Variants in ABI2 observed in about 807,000 individuals in gnomAD.
ABI2 encodes the protein abelson interactor 2.
A neutral mutation model predicts 59.2 loss-of-function variants in ABI2; 25 were observed. The ratio of observed to expected loss-of-function variants is 0.42; its 90% CI spans 0.31 to 0.59. The LOEUF (loss-of-function observed/expected upper bound fraction) is 0.59. Ranked by LOEUF, ABI2 falls within the 20% of genes least tolerant of loss-of-function variation. ABI2 has a pLI of 0.14. For synonymous variants in ABI2, 213 were observed against 235.5 expected (o/e 0.90, Z 0.87); for missense variants, 545 against 681.8 (o/e 0.80, Z 2.23).
Position 203,328,520 on chromosome 2 carries a change from G to A in ABI2, c.6G>A (p.Ala2=), listed in dbSNP as rs2070012683. The A allele has an allele frequency of 1.2e-6, 2 of 1,604,032 alleles. No homozygotes were observed. Among genetic ancestry groups the A allele is most frequent in the African/African-American group, 1.4e-5 (1 of 73,844 alleles). ...AGGAGGAGGAGGATGTGAAGATGGC[G>A]GAGCTGCAGATGCTGCTGGAAGAGG... M[A]ELQMLLEEEI... Residue 2 remains alanine, a synonymous_variant, in exon 1 of 12, where the codon GCG becomes GCA. Transcript: ENST00000261018.
At chr2:203,371,070 G>GT (rs1180779516) in intron 2 of ABI2, among the ~76,000 whole-genome samples, 2 of 152,110 alleles carry the variant, frequency 1.3e-5, no homozygotes, top group African/African-American at 4.8e-5. Flanking sequence ...TTGAACTTAG[G>GT]TTTTTTCATC....
intron 1 of ABI2, 82 bp from the exon 2 acceptor site, chr2:203,366,795 T>C: frequency 7.3e-7 from 1 of 1,365,020 alleles, no homozygotes; most frequent in Non-Finnish European, 9.8e-7. Context: ...GCAGAATCGT[T>C]GTGATGAGTT....
At position 203,395,428 on chromosome 2, in the gene ABI2, AG is replaced by A. The variant is rs1458019159; in HGVS notation, c.726-227del. 1.5e-4 allele frequency among the ~76,000 whole-genome samples: 9 copies of A among 60,140 alleles called. 1 individual carries two copies. In the South Asian group the frequency reaches 8.6e-3, roughly 58 times the overall value. The allele number at this position is 60,140 out of a possible 152,430, so 39.5% of individuals were successfully genotyped here. A position where few individuals can be genotyped will look rare whatever the true frequency, so the allele number is the denominator to read the frequency against. ...AGTTTTCCCCTCAACTTTATTAATA[AG>A]TAAATATATATATATATATACACAC... is the stretch of plus-strand genomic sequence containing the variant. On this transcript the variant is annotated intron_variant, in intron 6 of 11. Transcript: ENST00000261018.
chr2:203,333,057 CCA>C (rs1220410436), intron 1 of ABI2, among the ~76,000 whole-genome samples: 4 of 151,882 alleles, frequency 2.6e-5, no homozygotes, highest in Non-Finnish European at 4.4e-5. Context: ...GTGGATACTC[CCA>C]GAGTTCACTA....
chr2:203,391,600 C>G (rs908712500), intron 5 of ABI2, among the ~76,000 whole-genome samples: 14 of 152,156 alleles, frequency 9.2e-5, no homozygotes, highest in African/African-American at 3.4e-4. Flanking sequence ...GCGGGCAGAT[C>G]ACTTGAGCCC....
chr2:203,376,302 T>C (rs983636668), intron 2 of ABI2, among the ~76,000 whole-genome samples: 2 of 152,182 alleles, frequency 1.3e-5, no homozygotes, highest in African/African-American at 2.4e-5. Flanking sequence ...TCTGCAATCC[T>C]CAAGACAGCA....
At chr2:203,376,122 G>A (rs998715974) in intron 2 of ABI2, 15 of 1,533,962 alleles carry the variant, frequency 9.8e-6, no homozygotes, top group Non-Finnish European at 1.3e-5. Context: ...TGCAGTTTGA[G>A]ATTGAATGAG....
Position 203,427,768 on chromosome 2 carries a change from A to T in ABI2, c.*416A>T. ...TTGCCTGTGCTAAGGGGTTAACCTC[A>T]TGGCCCAGTGGGTACCCTAGCCCCT... On this transcript the variant is annotated 3_prime_UTR_variant, in exon 12 of 12. Coordinates refer to ENST00000261018, the MANE Select transcript of ABI2 (RefSeq NM_001375670.1). 1 of 155,310 alleles carries T rather than the reference A, an allele frequency of 6.4e-6. No homozygotes were observed. The highest frequency in any genetic ancestry group is 6.4e-5 in the Admixed American group (1 of 15,618). The allele number at this position is 155,310 out of a possible 1,614,324, so 9.6% of individuals were successfully genotyped here.
At chr2:203,342,707 GTAC>G (rs1559163954) in intron 1 of ABI2, among the ~76,000 whole-genome samples, 1 of 151,836 alleles carries the variant, frequency 6.6e-6, no homozygotes, top group African/African-American at 2.4e-5. Context: ...AGCCTCCTTA[GTAC>G]TACTGCTGGG....
intron 4 of ABI2, among the ~76,000 whole-genome samples, chr2:203,388,690 T>A (rs906300987): frequency 1.3e-5 from 2 of 151,804 alleles, no homozygotes; most frequent in Non-Finnish European, 2.9e-5. Context: ...TAAAAAATAA[T>A]AATAATAATA....
At chr2:203,372,890 A>C (rs1197392838) in intron 2 of ABI2, among the ~76,000 whole-genome samples, 2 of 150,492 alleles carry the variant, frequency 1.3e-5, no homozygotes, top group Non-Finnish European at 3.0e-5. Flanking sequence ...GGCGCTCCCC[A>C]CATCTCAGGC....
chr2:203,352,820 G>C (rs1024922281), intron 1 of ABI2, among the ~76,000 whole-genome samples: 3 of 152,184 alleles, frequency 2.0e-5, no homozygotes, highest in Non-Finnish European at 4.4e-5. Flanking sequence ...AGTCCTGTAA[G>C]CTGCGTTGAT....
chr2:203,383,474 A>T (rs2096263823), intron 4 of ABI2, among the ~76,000 whole-genome samples: 1 of 152,242 alleles, frequency 6.6e-6, no homozygotes, highest in Non-Finnish European at 1.5e-5. Flanking sequence ...CTCCAAAGTG[A>T]TAGAAATACA....
chr2:203,334,231 G>A (rs1354970813), intron 1 of ABI2, among the ~76,000 whole-genome samples: 1 of 152,042 alleles, frequency 6.6e-6, no homozygotes, highest in Non-Finnish European at 1.5e-5. Flanking sequence ...GTGAGCCATC[G>A]TGCCCAGCCT....
chr2:203,365,909 G>A (rs1354913244), intron 1 of ABI2, among the ~76,000 whole-genome samples: 2 of 152,030 alleles, frequency 1.3e-5, no homozygotes, highest in Non-Finnish European at 2.9e-5. Context: ...GATTACAGGC[G>A]TGAGCCACCG....
At chr2:203,373,843 C>G (rs923814084) in intron 2 of ABI2, among the ~76,000 whole-genome samples, 2 of 152,160 alleles carry the variant, frequency 1.3e-5, no homozygotes, top group Non-Finnish European at 2.9e-5. Context: ...AAGAACTCAA[C>G]AAGTAGGGTA....
At chr2:203,425,828 C>T (rs2098411323) in intron 11 of ABI2, among the ~76,000 whole-genome samples, 1 of 151,766 alleles carries the variant, frequency 6.6e-6, no homozygotes, top group African/African-American at 2.4e-5. Context: ...TCAAGACCAG[C>T]TTGGCCAACA....
intron 1 of ABI2, among the ~76,000 whole-genome samples, chr2:203,332,843 A>G (rs1190045096): frequency 6.6e-6 from 1 of 152,160 alleles, no homozygotes; most frequent in Non-Finnish European, 1.5e-5. Context: ...TCTTTTTGTT[A>G]GATAAAAGTT....
chr2:203,386,877 C>T lies in ABI2; in HGVS notation c.481-4169C>T, dbSNP rs567293431. Among the ~76,000 whole-genome samples, 9 of 151,946 alleles carry T rather than the reference C, an allele frequency of 5.9e-5. No individual in the cohort carries two copies. The East Asian group carries it at 7.8e-4, about 13-fold the overall frequency. ...TGGTCTCTGAACTCCTGGCCTCAGG[C>T]GATCTGCCCACCCTGGCCTCCCAGA... On this transcript the variant is annotated intron_variant, in intron 4 of 11. Coordinates refer to ENST00000261018, the MANE Select transcript of ABI2 (RefSeq NM_001375670.1).
Sources: allele counts gnomAD v4.1 joint callset (sites outside exome capture counted in the v4.1 genomes callset), GRCh38; gene constraint gnomAD v4.1.1; transcripts MANE v1.5; gene names NCBI Gene and HGNC (gene_info 2026-07-23, HGNC 2026-07-21).